TYROBP: variants seen among roughly 807,000 people sequenced by gnomAD.
TYROBP encodes the protein transmembrane immune signaling adaptor TYROBP, also known as TYRO protein tyrosine kinase-binding protein.
In TYROBP, 14 loss-of-function variants were observed where a neutral mutation model predicts 17.1. That is an observed-to-expected ratio of 0.82 (90% CI 0.54 to 1.28). The LOEUF (loss-of-function observed/expected upper bound fraction) is 1.28. TYROBP is among the 50% of genes most tolerant of loss of function. The pLI, the probability that TYROBP is intolerant of heterozygous loss-of-function variation, is 0.00. For missense variants in TYROBP, 161 were observed against 151.4 expected (o/e 1.06, Z -0.33); for synonymous variants, 73 against 67.4 (o/e 1.08, Z -0.41).
intron 3 of TYROBP, 36 bp from the exon 4 acceptor site, chr19:35,907,300 G>T (rs1171010185): frequency 6.2e-7 from 1 of 1,611,882 alleles, no homozygotes; most frequent in Non-Finnish European, 8.5e-7. Flanking sequence ...GCAGAGACAG[G>T]CAGAGTGGTG....
intron 4 of TYROBP, among the ~76,000 whole-genome samples, 153 bp from the exon 5 acceptor site, chr19:35,904,787 C>T (rs536268270): frequency 1.3e-5 from 2 of 152,212 alleles, no homozygotes; most frequent in African/African-American, 2.4e-5. Flanking sequence ...CCCCCTTCTC[C>T]TCTGCCTCAT....
intron 4 of TYROBP, among the ~76,000 whole-genome samples, chr19:35,906,917 G>A (rs1975738684): frequency 6.6e-6 from 1 of 151,906 alleles, no homozygotes; most frequent in Non-Finnish European, 1.5e-5. Context: ...GTAGAGACAG[G>A]GTTTCACCAT....
chr19:35,907,391 C>G, intron 3 of TYROBP, 55 bp downstream of exon 3: 5 of 1,526,030 alleles, frequency 3.3e-6, no homozygotes, highest in Non-Finnish European at 4.5e-6. Context: ...GTTTACCCAG[C>G]CCCCCACCCC....
At chr19:35,907,888 C>T (rs1431265346) in intron 1 of TYROBP, 126 bp from the exon 2 acceptor site, 5 of 1,034,270 alleles carry the variant, frequency 4.8e-6, no homozygotes, top group Admixed American at 2.0e-5. Flanking sequence ...GCGTGTCTGG[C>T]GGGACTCAGG....
chr19:35,907,549 C>T lies in TYROBP; in HGVS notation c.126G>A (p.Val42=), dbSNP rs376453383. ...DCSCSTVSPG[V]LAGIVMGDLV... ...GGTCTCCCATCACGATCCCTGCCAG[C>T]ACGCCCGGGCTCACCGTAGAGCAAC... Residue 42 remains valine, a synonymous_variant, in exon 3 of 5, where the codon GTG becomes GTA. Transcript: ENST00000262629. The T allele has an allele frequency of 6.2e-7, 1 of 1,613,968 alleles. No homozygotes were observed. The highest frequency in any genetic ancestry group is 8.5e-7 in the Non-Finnish European group (1 of 1,180,044).
Position 35,904,548 on chromosome 19 carries a change from G to A in TYROBP, c.*21C>T. 6.2e-7 allele frequency: 1 copy of A among 1,611,988 alleles called. No individual in the cohort carries two copies. The highest frequency in any genetic ancestry group is 1.7e-5 in the Admixed American group (1 of 59,916). ...AATGGCTGGATCCAGGTATCATGTT[G>A]CTGACTGTCATGATTCGGGCTCATT... On this transcript the variant is annotated 3_prime_UTR_variant, in exon 5 of 5. Transcript: ENST00000262629.
intron 4 of TYROBP, among the ~76,000 whole-genome samples, chr19:35,905,729 C>A (rs973434732): frequency 6.6e-6 from 1 of 151,274 alleles, no homozygotes; most frequent in South Asian, 2.1e-4. Flanking sequence ...GAAAGGTGGG[C>A]GGATCACGAG....
chr19:35,905,985 A>G (rs1431038422), intron 4 of TYROBP, among the ~76,000 whole-genome samples: 15 of 151,918 alleles, frequency 9.9e-5, no homozygotes, highest in Admixed American at 9.8e-4. Flanking sequence ...AGAGAAAGAA[A>G]AAAGAGCTTC....
At chr19:35,904,690 T>C in intron 4 of TYROBP, 56 bp from the exon 5 acceptor site, 1 of 1,558,050 alleles carries the variant, frequency 6.4e-7, no homozygotes, top group Non-Finnish European at 8.8e-7. Flanking sequence ...TCCAGCCTTC[T>C]CCCAGTGGCC....
At position 35,907,731 on chromosome 19, in the gene TYROBP, G is replaced by A. The variant is rs142807700; in HGVS notation, c.93C>T (p.Ser31=). ...AGGGACTGCTGGGTCTAGGCCTACC[G>A]CTCTGGGCCTGGGCCTGGACAGGAC... The part of the protein sequence containing the change: ...GLRPVQAQAQ[S]DCSCSTVSPG... Residue 31 remains serine (S), a splice_region_variant and synonymous_variant, in exon 2 of 5, where the codon AGC becomes AGT. Transcript: ENST00000262629. The A allele has an allele frequency of 1.1e-5, 18 of 1,613,984 alleles. No homozygotes were observed. Among genetic ancestry groups the A allele is most frequent in the African/African-American group, 5.3e-5 (4 of 74,890 alleles).
rs766427839 is a variant in TYROBP, at chr19:35,904,538, G to C, written c.*31C>G. The C allele has an allele frequency of 2.5e-6, 4 of 1,609,760 alleles. No homozygotes were observed. Among genetic ancestry groups the C allele is most frequent in the Non-Finnish European group, 3.4e-6 (4 of 1,177,288 alleles). On this transcript the variant is annotated 3_prime_UTR_variant, in exon 5 of 5. Transcript: ENST00000262629. Reference sequence around the variant, plus strand: ...GGGCTTCAGGAATGGCTGGATCCAGGTATCATGTTGCTGACTGTCATGATT... The same window carrying C: ...GGGCTTCAGGAATGGCTGGATCCAGCTATCATGTTGCTGACTGTCATGATT...
Position 35,904,613 on chromosome 19 carries a change from C to T in TYROBP, c.298G>A (p.Asp100Asn). Residue 100 changes from aspartate (D) to asparagine (N), a missense_variant, in exon 5 of 5, where the codon GAT (aspartate) becomes AAT (asparagine). By Grantham distance (23) the Asp-to-Asn change is conservative (BLOSUM62 1). Coordinates refer to ENST00000262629, the MANE Select transcript of TYROBP (RefSeq NM_003332.4). ...PYQELQGQRSDVYSDLNTQRP... is the reference protein window; with the variant it reads ...PYQELQGQRSNVYSDLNTQRP... ...TGTGTGTTGAGGTCGCTGTAGACATCCGACCTCTGACCCTGGAGCTCCTAA... is the reference window on the plus strand; with the variant it reads ...TGTGTGTTGAGGTCGCTGTAGACATTCGACCTCTGACCCTGGAGCTCCTAA... 1 of 1,613,396 alleles carries T rather than the reference C, an allele frequency of 6.2e-7. No homozygotes were observed. The highest frequency in any genetic ancestry group is 8.5e-7 in the Non-Finnish European group (1 of 1,179,772).
chr19:35,907,334 A>C, intron 3 of TYROBP, 70 bp from the exon 4 acceptor site: 1 of 1,608,596 alleles, frequency 6.2e-7, no homozygotes, highest in Non-Finnish European at 8.5e-7. Flanking sequence ...TTGTCATTCC[A>C]AATCAGCACC....
rs140188939 is a variant in TYROBP, at chr19:35,907,256, G to C, written c.238C>G (p.Arg80Gly). Reference protein sequence around the residue: ...RGRGAAEAATRKQRITETESP... With the variant: ...RGRGAAEAATGKQRITETESP... ...TCGGTCTCAGTGATACGCTGTTTCC[G>C]GGTCGCTGCTGGAGGTGAGGGGTGT... Residue 80 changes from arginine to glycine, a missense_variant, in exon 4 of 5, where the codon CGG (arginine) becomes GGG (glycine). Transcript: ENST00000262629. The C allele has an allele frequency of 6.2e-7, 1 of 1,609,566 alleles. No individual in the cohort carries two copies. Among genetic ancestry groups the C allele is most frequent in the Non-Finnish European group, 8.5e-7 (1 of 1,178,216 alleles).
At chr19:35,904,690 TCCCAGTGGCCTGCAAGGC>T (rs1975675666) in intron 4 of TYROBP, 56 bp from the exon 5 acceptor site, 1 of 1,557,928 alleles carries the variant, frequency 6.4e-7, no homozygotes, top group Admixed American at 1.8e-5. Context: ...TCCAGCCTTC[TCCCAGTGGCCTGCAAGGC>T]CCCTGGCAGC....
At chr19:35,907,406 T>G in intron 3 of TYROBP, 40 bp downstream of exon 3, 4 of 1,011,876 alleles carry the variant, frequency 4.0e-6, no homozygotes, top group Non-Finnish European at 6.2e-6. Flanking sequence ...CACCCCCATC[T>G]AGGCAAGTCC....
rs968472840 is a variant in TYROBP at position 35,907,198 on chromosome 19, G to C, written c.276+20C>G. The C allele has an allele frequency of 2.5e-6, 4 of 1,593,464 alleles. No individual in the cohort carries two copies. Among genetic ancestry groups the C allele is most frequent in the Non-Finnish European group, 3.4e-6 (4 of 1,169,964 alleles). On this transcript the variant is annotated intron_variant, in intron 4 of 4. Coordinates refer to ENST00000262629, the MANE Select transcript of TYROBP (RefSeq NM_003332.4). ...CCCTGGCAGGAGTGAAATGTGAGGAGGACAGTCTGGTTTTCTCACCTGATA... is the reference window on the plus strand; with the variant it reads ...CCCTGGCAGGAGTGAAATGTGAGGACGACAGTCTGGTTTTCTCACCTGATA...
In TYROBP at chr19:35,907,514, G is replaced by A; in HGVS notation, c.161C>T (p.Thr54Ile). ...AGIVMGDLVL[T>I]VLIALAVYFL... ...GTACACGGCCAGGGCAATGAGCACT[G>A]TCAGCACCAGGTCTCCCATCACGAT... is the stretch of plus-strand genomic sequence containing the variant. The change falls in exon 3 of 5, where the codon ACA becomes ATA. Residue 54 changes from threonine to isoleucine, a missense_variant. Transcript: ENST00000262629. The A allele has an allele frequency of 6.2e-7, 1 of 1,613,720 alleles. No individual in the cohort carries two copies. The highest frequency in any genetic ancestry group is 1.1e-5 in the South Asian group (1 of 91,082).
At chr19:35,907,848 C>T in intron 1 of TYROBP, 86 bp from the exon 2 acceptor site, 2 of 1,448,016 alleles carry the variant, frequency 1.4e-6, no homozygotes, top group Non-Finnish European at 1.9e-6. Context: ...AAGGTGGATC[C>T]TGACAGCCAA....
Sources: allele counts gnomAD v4.1 joint callset (sites outside exome capture counted in the v4.1 genomes callset), GRCh38; gene constraint gnomAD v4.1.1; transcripts MANE v1.5; gene names NCBI Gene and HGNC (gene_info 2026-07-23, HGNC 2026-07-21).